Variants in AOAH observed in about 807,000 individuals in gnomAD.
AOAH encodes acyloxyacyl hydrolase (neutrophil).
Under a neutral mutation model 92.2 loss-of-function variants are expected in AOAH, and 64 were observed. That is an observed-to-expected ratio of 0.69 (90% CI 0.57 to 0.86). The LOEUF is 0.86. AOAH is among the 40% of genes least tolerant of loss of function. The pLI is 0.00. For missense variants in AOAH, 656 were observed against 694.6 expected (o/e 0.94, Z 0.62); for synonymous variants, 263 against 254.5 (o/e 1.03, Z -0.32).
intron 13 of AOAH, among the ~76,000 whole-genome samples, chr7:36,552,522 A>C (rs1187130287): frequency 6.6e-6 from 1 of 152,204 alleles, no homozygotes; most frequent in Non-Finnish European, 1.5e-5. Flanking sequence ...ATATAACCAT[A>C]ATGGGATTGC....
chr7:36,515,513 A>AAACACCACACACG lies in AOAH; in HGVS notation c.1600-2134_1600-2133insCGTGTGTGGTGTT, dbSNP rs1227208311. ...ACACATACATCACAAACACACCCCC[A>AAACACCACACACG]AACACCACACACACCACACCCTTCA... On this transcript the variant is annotated intron_variant, in intron 20 of 20. Coordinates refer to ENST00000617537, the MANE Select transcript of AOAH (RefSeq NM_001637.4). 7.6e-5 allele frequency among the ~76,000 whole-genome samples: 8 copies of AAACACCACACACG among 104,790 alleles called. 1 individual carries two copies. The highest frequency in any genetic ancestry group is 3.0e-4 in the African/African-American group (8 of 26,304). The allele number at this position is 104,790 out of a possible 152,430, so 68.7% of individuals were successfully genotyped here. A position where few individuals can be genotyped will look rare whatever the true frequency, so the allele number is the denominator to read the frequency against.
At chr7:36,644,836 A>G (rs1294732097) in intron 4 of AOAH, among the ~76,000 whole-genome samples, 1 of 151,468 alleles carries the variant, frequency 6.6e-6, no homozygotes, top group East Asian at 1.9e-4. Flanking sequence ...AGATTCTCAC[A>G]AAGGAGAAAG....
At chr7:36,549,259 A>G (rs17170631) in intron 14 of AOAH, among the ~76,000 whole-genome samples, 180 bp downstream of exon 14, 4,179 of 152,326 alleles carry the variant, frequency 0.027, 185 homozygotes, top group African/African-American at 0.096. Context: ...TTCTTTGAGG[A>G]CATATGCAAA....
chr7:36,720,451 G>A (rs1236805462), intron 1 of AOAH, among the ~76,000 whole-genome samples: 1 of 151,854 alleles, frequency 6.6e-6, no homozygotes, highest in Non-Finnish European at 1.5e-5. Context: ...GATTACAGGC[G>A]TAAGCCACCA....
intron 4 of AOAH, among the ~76,000 whole-genome samples, chr7:36,641,438 G>T (rs891643827): frequency 2.6e-5 from 4 of 152,082 alleles, no homozygotes; most frequent in Admixed American, 1.3e-4. Flanking sequence ...TGTAATTTTT[G>T]ATTTCCCTTA....
At chr7:36,682,463 A>C (rs1432314911) in intron 2 of AOAH, among the ~76,000 whole-genome samples, 1 of 152,242 alleles carries the variant, frequency 6.6e-6, no homozygotes, top group African/African-American at 2.4e-5. Flanking sequence ...AGTTATTATA[A>C]GAAGAAAAAG....
At chr7:36,529,839 C>G (rs1784590809) in intron 19 of AOAH, among the ~76,000 whole-genome samples, 1 of 152,198 alleles carries the variant, frequency 6.6e-6, no homozygotes, top group African/African-American at 2.4e-5. Context: ...GGCCACTCAG[C>G]AGTGACTCCG....
intron 13 of AOAH, among the ~76,000 whole-genome samples, chr7:36,555,461 T>G (rs548953986): frequency 6.6e-6 from 1 of 152,122 alleles, no homozygotes; most frequent in African/African-American, 2.4e-5. Context: ...TTGGTTGTGT[T>G]TCTGCCTGGC....
chr7:36,680,372 C>T (rs905367920), intron 2 of AOAH, among the ~76,000 whole-genome samples: 1 of 152,204 alleles, frequency 6.6e-6, no homozygotes, highest in African/African-American at 2.4e-5. Context: ...TACGCGATTT[C>T]CCTGCTAAAA....
intron 20 of AOAH, among the ~76,000 whole-genome samples, chr7:36,517,214 C>CTTTTTCTCTTTTTCTCTT (rs59205788): frequency 9.5e-6 from 1 of 104,826 alleles, no homozygotes; most frequent in East Asian, 2.6e-4. Flanking sequence ...TTCTTTCTTT[C>CTTTTTCTCTTTTTCTCTT]TCTTTCTTTC....
At chr7:36,697,484 G>A (rs1797792600) in intron 1 of AOAH, among the ~76,000 whole-genome samples, 1 of 152,174 alleles carries the variant, frequency 6.6e-6, no homozygotes, top group Non-Finnish European at 1.5e-5. Flanking sequence ...ATAAAAGTCT[G>A]TTATTTTCTT....
chr7:36,690,301 G>A (rs1168363013), intron 1 of AOAH: 7 of 367,900 alleles, frequency 1.9e-5, no homozygotes, highest in Non-Finnish European at 3.7e-5. Flanking sequence ...ATGATCAAAA[G>A]GACCCTGCAG....
intron 11 of AOAH, among the ~76,000 whole-genome samples, chr7:36,603,793 T>C (rs1790779671): frequency 6.6e-6 from 1 of 152,214 alleles, no homozygotes; most frequent in South Asian, 2.1e-4. Context: ...GTTTAACCTT[T>C]TGTCAGTTAG....
intron 16 of AOAH, among the ~76,000 whole-genome samples, chr7:36,539,605 C>T (rs1187207612): frequency 2.0e-5 from 3 of 152,232 alleles, no homozygotes; most frequent in African/African-American, 7.2e-5. Flanking sequence ...ATACATTCTC[C>T]TCTGAAATAC....
chr7:36,709,434 A>G (rs1053270946), intron 1 of AOAH, among the ~76,000 whole-genome samples: 2 of 152,192 alleles, frequency 1.3e-5, no homozygotes, highest in African/African-American at 4.8e-5. Flanking sequence ...TTTTTCAAAA[A>G]TAAATATTTC....
chr7:36,601,534 T>C (rs1790600357), intron 11 of AOAH, among the ~76,000 whole-genome samples: 1 of 152,232 alleles, frequency 6.6e-6, no homozygotes, highest in South Asian at 2.1e-4. Context: ...TGGAAGTCTT[T>C]CCTTAATCCT....
At chr7:36,647,709 T>C (rs572567227) in intron 4 of AOAH, among the ~76,000 whole-genome samples, 1 of 152,258 alleles carries the variant, frequency 6.6e-6, no homozygotes, top group South Asian at 2.1e-4. Flanking sequence ...ATTCCAAATA[T>C]GGGTGTTAAC....
At chr7:36,677,767 C>T (rs767881553) in intron 2 of AOAH, among the ~76,000 whole-genome samples, 3 of 151,984 alleles carry the variant, frequency 2.0e-5, no homozygotes, top group Admixed American at 6.6e-5. Context: ...ATTATTCAGC[C>T]GTAAAAAGTA....
intron 3 of AOAH, 44 bp from the exon 4 acceptor site, chr7:36,659,309 G>A (rs1362942224): frequency 1.3e-6 from 2 of 1,489,518 alleles, no homozygotes; most frequent in African/African-American, 2.8e-5. Flanking sequence ...AGATCTCTTA[G>A]GCATTAGGAA....
Sources: gnomAD v4.1 joint callset for allele counts (sites outside exome capture counted in the v4.1 genomes callset) on GRCh38, gnomAD v4.1.1 for gene constraint, MANE v1.5 for transcripts, NCBI Gene and HGNC (gene_info 2026-07-23, HGNC 2026-07-21) for gene names.